Variants in MECOM observed in about 807,000 individuals in gnomAD.
The protein encoded by MECOM is MDS1 and EVI1 complex locus.
MECOM carries 13 observed loss-of-function variants against 116.3 expected under a neutral mutation model. The observed-to-expected ratio is 0.11, with a 90% confidence interval of 0.07 to 0.18. The LOEUF (loss-of-function observed/expected upper bound fraction) is 0.18, where lower values mean the gene tolerates loss of function less well. Ranked by LOEUF, MECOM falls within the 10% of genes least tolerant of loss-of-function variation. The pLI, the probability that MECOM is intolerant of heterozygous loss-of-function variation, is 1.00. For synonymous variants in MECOM, 528 were observed against 535.2 expected, an observed-to-expected ratio of 0.99 and a Z score of 0.19; for missense variants, 1,299 against 1,509.0, an observed-to-expected ratio of 0.86 and a Z score of 2.31.
chr3:169,438,216 CT>C (rs1414619697), intron 1 of MECOM, among the ~76,000 whole-genome samples: 10 of 152,200 alleles, frequency 6.6e-5, no homozygotes, highest in Non-Finnish European at 1.5e-4. Flanking sequence ...CCAGTAATAG[CT>C]GCCCAATTAC....
At chr3:169,495,727 C>A (rs1388881420) in intron 1 of MECOM, among the ~76,000 whole-genome samples, 1 of 152,170 alleles carries the variant, frequency 6.6e-6, no homozygotes, top group Admixed American at 6.5e-5. Flanking sequence ...AAACTATGAA[C>A]CAGTCACTCA....
chr3:169,090,222 T>C lies in MECOM; in HGVS notation c.3179A>G (p.His1060Arg). Residue 1060 changes from histidine to arginine, a missense_variant, in exon 15 of 17, where the codon CAT (histidine) becomes CGT (arginine). Transcript: ENST00000651503. ...CACCAAAGCCTTTTCATCTTTAAAATGACTGCCATTCATTCTTTCAAAAGC... is the reference window on the plus strand; with the variant it reads ...CACCAAAGCCTTTTCATCTTTAAAACGACTGCCATTCATTCTTTCAAAAGC... The part of the protein sequence containing the change: ...RNVEERMNGS[H>R]FKDEKALVTS... 4.3e-6 allele frequency: 7 copies of C among 1,609,424 alleles called. No individual in the cohort carries two copies. The highest frequency in any genetic ancestry group is 5.1e-6 in the Non-Finnish European group (6 of 1,178,664).
intron 1 of MECOM, among the ~76,000 whole-genome samples, chr3:169,504,904 C>T (rs1219202295): frequency 6.6e-6 from 1 of 152,194 alleles, no homozygotes; most frequent in Non-Finnish European, 1.5e-5. Context: ...TTACGCTTAG[C>T]ATAGGCATAG....
intron 2 of MECOM, among the ~76,000 whole-genome samples, chr3:169,227,246 C>T (rs1752844439): frequency 6.6e-6 from 1 of 152,080 alleles, no homozygotes; most frequent in Admixed American, 6.6e-5. Flanking sequence ...ATCTTACCAT[C>T]TGAGAAAAAG....
intron 1 of MECOM, among the ~76,000 whole-genome samples, chr3:169,621,386 C>A (rs1421975690): frequency 6.6e-6 from 1 of 152,226 alleles, no homozygotes; most frequent in East Asian, 1.9e-4. Flanking sequence ...TAAATGTAAG[C>A]AACTAGTAGT....
chr3:169,597,465 C>G (rs1276184126), intron 1 of MECOM, among the ~76,000 whole-genome samples: 1 of 152,206 alleles, frequency 6.6e-6, no homozygotes, highest in Non-Finnish European at 1.5e-5. Context: ...CCGTGGAGAA[C>G]TTTGACTTAT....
At chr3:169,554,252 C>T (rs1761763682) in intron 1 of MECOM, among the ~76,000 whole-genome samples, 1 of 152,116 alleles carries the variant, frequency 6.6e-6, no homozygotes, top group African/African-American at 2.4e-5. Context: ...GCAGAACTTA[C>T]AACTGTACCA....
At chr3:169,432,070 C>T (rs1253094858) in intron 1 of MECOM, among the ~76,000 whole-genome samples, 1 of 151,618 alleles carries the variant, frequency 6.6e-6, no homozygotes, top group African/African-American at 2.4e-5. Context: ...AGAGAGACAA[C>T]AGTTCGAGAC....
Position 169,471,139 on chromosome 3 carries a change from G to A in MECOM, c.38-89615C>T, listed in dbSNP as rs149552292. 2.0e-4 allele frequency among the ~76,000 whole-genome samples: 30 copies of A among 151,856 alleles called. No homozygotes were observed. In the East Asian group the frequency reaches 5.3e-3, roughly 27 times the overall value. On this transcript the variant is annotated intron_variant, in intron 1 of 16. Transcript: ENST00000651503. ...CCAGGGTAGCTGGGACTATAGGCAC[G>A]TGCCAGCATGCCCGTCTGATTTTTT...
intron 1 of MECOM, among the ~76,000 whole-genome samples, chr3:169,601,901 G>A (rs1451368116): frequency 6.6e-6 from 1 of 152,164 alleles, no homozygotes; most frequent in African/African-American, 2.4e-5. Context: ...TTTTCCATCT[G>A]TTTCTAATTT....
At chr3:169,439,290 A>G in intron 1 of MECOM, among the ~76,000 whole-genome samples, 1 of 147,710 alleles carries the variant, frequency 6.8e-6, no homozygotes, top group African/African-American at 2.5e-5. Flanking sequence ...AGATATTTAA[A>G]AATATACATA....
At chr3:169,322,927 G>T (rs924833295) in intron 2 of MECOM, among the ~76,000 whole-genome samples, 2 of 149,704 alleles carry the variant, frequency 1.3e-5, no homozygotes, top group South Asian at 2.1e-4. Flanking sequence ...GAACCCGGGG[G>T]GGGCAGAGTT....
intron 1 of MECOM, among the ~76,000 whole-genome samples, chr3:169,420,050 C>T (rs1297595636): frequency 6.6e-6 from 1 of 152,102 alleles, no homozygotes; most frequent in African/African-American, 2.4e-5. Flanking sequence ...AAATCAAAAC[C>T]ATAATTAGAT....
chr3:169,368,842 G>C (rs1464194434), intron 2 of MECOM, among the ~76,000 whole-genome samples: 1 of 151,968 alleles, frequency 6.6e-6, no homozygotes, highest in Non-Finnish European at 1.5e-5. Context: ...TGGCCAAAGA[G>C]GGAAGCAATA....
At position 169,535,635 on chromosome 3, in the gene MECOM, C is replaced by T. The variant is rs368979991; in HGVS notation, c.37+127701G>A. ...CCTTCATTTTTCTCAGCAGCACTAA[C>T]CACCACCTGATATATGTTAACTTCT... On this transcript the variant is annotated intron_variant, in intron 1 of 16. Transcript: ENST00000651503. 1.1e-4 allele frequency among the ~76,000 whole-genome samples: 17 copies of T among 152,328 alleles called. No individual in the cohort carries two copies. In the South Asian group the frequency reaches 3.5e-3, roughly 32 times the overall value.
chr3:169,411,915 C>T (rs180975141), intron 1 of MECOM, among the ~76,000 whole-genome samples: 4 of 152,190 alleles, frequency 2.6e-5, no homozygotes, highest in African/African-American at 4.8e-5. Flanking sequence ...CGCTTGAACC[C>T]GGGAGGCAGA....
chr3:169,327,274 G>T (rs1721992103), intron 2 of MECOM, among the ~76,000 whole-genome samples: 1 of 152,112 alleles, frequency 6.6e-6, no homozygotes, highest in South Asian at 2.1e-4. Context: ...GTTGATTTGG[G>T]AACATAATGA....
intron 2 of MECOM, among the ~76,000 whole-genome samples, chr3:169,264,605 G>T (rs1337404018): frequency 6.6e-6 from 1 of 152,158 alleles, no homozygotes; most frequent in East Asian, 1.9e-4. Flanking sequence ...AATCAGGTAA[G>T]AAAGCAGATA....
intron 5 of MECOM, among the ~76,000 whole-genome samples, chr3:169,124,012 A>G (rs1731962834): frequency 6.6e-6 from 1 of 152,128 alleles, no homozygotes; most frequent in African/African-American, 2.4e-5. Context: ...CAAATAGGCT[A>G]TGAAGGGAAG....
Sources: gnomAD v4.1 joint callset for allele counts (sites outside exome capture counted in the v4.1 genomes callset) on GRCh38, gnomAD v4.1.1 for gene constraint, MANE v1.5 for transcripts, NCBI Gene and HGNC (gene_info 2026-07-23, HGNC 2026-07-21) for gene names.